The following ATG10 variants were observed in gnomAD, a reference collection of about 807,000 sequenced individuals.
The protein encoded by ATG10 is ubiquitin-like-conjugating enzyme ATG10.
In ATG10, 30 loss-of-function variants were observed where a neutral mutation model predicts 32.1. The observed-to-expected ratio is 0.94, with a 90% CI of 0.70 to 1.27. The LOEUF is 1.27. Ranked by LOEUF, ATG10 falls within the 50% of genes most tolerant of loss-of-function variation. ATG10 has a pLI of 0.00. For missense variants in ATG10, 233 were observed against 262.3 expected, an observed-to-expected ratio of 0.89 and a Z score of 0.77; for synonymous variants, 87 against 91.5, an observed-to-expected ratio of 0.95 and a Z score of 0.28.
chr5:82,165,114 A>G (rs1484814081), intron 4 of ATG10, among the ~76,000 whole-genome samples: 1 of 152,162 alleles, frequency 6.6e-6, no homozygotes, highest in Non-Finnish European at 1.5e-5. Flanking sequence ...GGCCTTAGCT[A>G]ATAAAGCTTA....
intron 3 of ATG10, among the ~76,000 whole-genome samples, chr5:82,094,427 G>GAT (rs1027829319): frequency 1.3e-5 from 2 of 151,930 alleles, no homozygotes; most frequent in African/African-American, 4.8e-5. Context: ...AAATAATAAT[G>GAT]ATATATATAG....
At chr5:82,229,792 A>G (rs936017111) in intron 5 of ATG10, among the ~76,000 whole-genome samples, 2 of 152,180 alleles carry the variant, frequency 1.3e-5, no homozygotes, top group Non-Finnish European at 2.9e-5. Context: ...GCCACTTTAC[A>G]TAAGGGACTT....
intron 2 of ATG10, among the ~76,000 whole-genome samples, chr5:82,054,526 G>T (rs2149744481): frequency 6.6e-6 from 1 of 152,320 alleles, no homozygotes; most frequent in East Asian, 1.9e-4. Context: ...CTCTCTTGCA[G>T]AATTTGCTTA....
intron 2 of ATG10, chr5:82,010,179 T>C: frequency 8.8e-7 from 1 of 1,136,350 alleles, no homozygotes; most frequent in Non-Finnish European, 1.3e-6. Context: ...TGGAGAATGT[T>C]TCCAAGTACA....
chr5:82,135,370 T>C (rs185798500), intron 3 of ATG10, among the ~76,000 whole-genome samples: 113 of 152,362 alleles, frequency 7.4e-4, no homozygotes, highest in South Asian at 3.3e-3. Context: ...TTTAGTGCTA[T>C]AAATTTTTCT....
chr5:82,087,886 A>G (rs911218595), intron 3 of ATG10, among the ~76,000 whole-genome samples: 6 of 152,156 alleles, frequency 3.9e-5, no homozygotes, highest in African/African-American at 2.4e-5. Context: ...TGTGACATAG[A>G]TTGTGGTGAT....
At chr5:82,016,843 C>T (rs1417572415) in intron 2 of ATG10, among the ~76,000 whole-genome samples, 1 of 152,058 alleles carries the variant, frequency 6.6e-6, no homozygotes, top group Non-Finnish European at 1.5e-5. Context: ...CGCCTGCCAC[C>T]ACGCCTGGCT....
At chr5:82,232,741 A>G (rs993398415) in intron 5 of ATG10, among the ~76,000 whole-genome samples, 1 of 142,786 alleles carries the variant, frequency 7.0e-6, no homozygotes, top group Admixed American at 6.9e-5. Context: ...TCTTGTCTTC[A>G]TTCTCCACCC....
intron 3 of ATG10, among the ~76,000 whole-genome samples, chr5:82,163,484 T>C (rs1318522868): frequency 6.6e-6 from 1 of 152,202 alleles, no homozygotes; most frequent in Non-Finnish European, 1.5e-5. Flanking sequence ...AATCTTTCCT[T>C]AGTTATTTCT....
chr5:81,972,937 C>G (rs1305703245), intron 1 of ATG10, among the ~76,000 whole-genome samples: 1 of 152,042 alleles, frequency 6.6e-6, no homozygotes, highest in Non-Finnish European at 1.5e-5. Context: ...TGGAGCCTAA[C>G]AGGCCCACCT....
chr5:82,000,089 C>A (rs1294420363), intron 2 of ATG10, among the ~76,000 whole-genome samples: 1 of 152,112 alleles, frequency 6.6e-6, no homozygotes, highest in African/African-American at 2.4e-5. Flanking sequence ...CAAACCACAT[C>A]CAGCAGCACA....
chr5:82,090,022 A>G (rs1234935545), intron 3 of ATG10, among the ~76,000 whole-genome samples: 1 of 152,020 alleles, frequency 6.6e-6, no homozygotes, highest in Admixed American at 6.6e-5. Flanking sequence ...TGCAAATTAA[A>G]ACAACAATGA....
intron 1 of ATG10, among the ~76,000 whole-genome samples, chr5:81,983,952 G>C (rs1268868617): frequency 6.6e-6 from 1 of 151,724 alleles, no homozygotes; most frequent in Non-Finnish European, 1.5e-5. Flanking sequence ...GATGGCGGCC[G>C]GGAAGAGGCG....
intron 3 of ATG10, among the ~76,000 whole-genome samples, chr5:82,139,938 TGGG>T (rs1458106159): frequency 3.8e-5 from 2 of 52,984 alleles, no homozygotes; most frequent in African/African-American, 1.8e-4. Flanking sequence ...GGGAGGGAGG[TGGG>T]GGGGTCAGCC....
At chr5:82,028,649 A>G (rs76925639) in intron 2 of ATG10, among the ~76,000 whole-genome samples, 5,850 of 152,282 alleles carry the variant, frequency 0.038, 392 homozygotes, top group African/African-American at 0.13. Flanking sequence ...TATGTATACA[A>G]CTTTGCACTG....
intron 2 of ATG10, among the ~76,000 whole-genome samples, chr5:81,994,019 G>T (rs1450030190): frequency 2.0e-5 from 3 of 152,168 alleles, no homozygotes; most frequent in African/African-American, 7.2e-5. Flanking sequence ...CATAATCTCA[G>T]TGTTTCATAT....
chr5:82,041,923 A>AT (rs900874483), intron 2 of ATG10, among the ~76,000 whole-genome samples: 4 of 150,282 alleles, frequency 2.7e-5, no homozygotes, highest in African/African-American at 9.8e-5. Flanking sequence ...TAGATATTGT[A>AT]TTTTTTTTTA....
intron 3 of ATG10, among the ~76,000 whole-genome samples, chr5:82,079,451 T>G (rs1263233852): frequency 6.6e-6 from 1 of 152,058 alleles, no homozygotes; most frequent in African/African-American, 2.4e-5. Flanking sequence ...TATGCCATGT[T>G]GGTGTGCTGC....
At chr5:82,103,973 T>C (rs1197544229) in intron 3 of ATG10, among the ~76,000 whole-genome samples, 2 of 152,200 alleles carry the variant, frequency 1.3e-5, no homozygotes, top group African/African-American at 4.8e-5. Flanking sequence ...TTCTTTCATG[T>C]CTGTCTTCTT....
Sources: gnomAD v4.1 joint callset for allele counts (sites outside exome capture counted in the v4.1 genomes callset) on GRCh38, gnomAD v4.1.1 for gene constraint, MANE v1.5 for transcripts, NCBI Gene and HGNC (gene_info 2026-07-23, HGNC 2026-07-21) for gene names.